WWTR1: variants seen among roughly 807,000 people sequenced by gnomAD.
WWTR1 encodes WW domain containing transcription regulator 1.
A neutral mutation model predicts 40.1 loss-of-function variants in WWTR1; 13 were observed. That is an observed-to-expected ratio of 0.32 (90% confidence interval 0.21 to 0.52). The LOEUF is 0.52. Among genes scored for constraint, WWTR1 ranks in the 20% least tolerant of loss-of-function variants. The pLI is 0.97. For synonymous variants in WWTR1, 230 were observed against 210.1 expected (o/e 1.09, Z -0.82); for missense variants, 436 against 523.1 (o/e 0.83, Z 1.63).
intron 2 of WWTR1, among the ~76,000 whole-genome samples, chr3:149,615,131 C>T (rs189327334): frequency 2.0e-5 from 3 of 152,314 alleles, no homozygotes; most frequent in Non-Finnish European, 2.9e-5. Context: ...CAGCATGTGG[C>T]ATGCTCCTTA....
chr3:149,633,141 C>A (rs1048724989), intron 2 of WWTR1, among the ~76,000 whole-genome samples: 1 of 152,184 alleles, frequency 6.6e-6, no homozygotes. Flanking sequence ...GTAATCCCAG[C>A]ACTTTGGGAG....
intron 2 of WWTR1, among the ~76,000 whole-genome samples, chr3:149,608,811 G>A (rs1457632521): frequency 2.0e-5 from 3 of 152,128 alleles, no homozygotes; most frequent in African/African-American, 7.2e-5. Context: ...TCAGCACTTT[G>A]GGAGGCCAAA....
At chr3:149,591,467 A>G (rs1738721523) in intron 2 of WWTR1, among the ~76,000 whole-genome samples, 2 of 152,172 alleles carry the variant, frequency 1.3e-5, no homozygotes, top group Admixed American at 1.3e-4. Context: ...ATATTCAAAT[A>G]GGGCTGTTGT....
intron 2 of WWTR1, among the ~76,000 whole-genome samples, chr3:149,652,067 T>A (rs1194684637): frequency 1.4e-5 from 2 of 145,430 alleles, no homozygotes; most frequent in African/African-American, 5.1e-5. Context: ...ATGATCTCCA[T>A]CTCCTGACCT....
At chr3:149,652,619 TCAAAAAAAAAAAAAAAAAAAAAAAAAAA>T (rs2108153452) in intron 2 of WWTR1, among the ~76,000 whole-genome samples, 1 of 23,864 alleles carries the variant, frequency 4.2e-5, no homozygotes, top group Non-Finnish European at 7.7e-5. Context: ...AGACCCCATC[TCAAAAAAAAAAAAAAAAAAAAAAAAAAA>T]AAAAAAAAAA....
rs1217598530 is a variant in WWTR1 at position 149,622,450 on chromosome 3, AAAGGAAGG to A, written c.431+34418_431+34425del. On this transcript the variant is annotated intron_variant, in intron 2 of 6. Coordinates refer to ENST00000360632, the MANE Select transcript of WWTR1 (RefSeq NM_015472.6). Reference sequence around the variant, plus strand: ...AAACCATATTTTCCCAGAAAGAAAGAAAGGAAGGAAGGAAGGAAGGAAGGAAGGAAGGA... The same window carrying A: ...AAACCATATTTTCCCAGAAAGAAAGAAAGGAAGGAAGGAAGGAAGGAAGGA... Among the ~76,000 whole-genome samples, 153 of 98,602 alleles carry A rather than the reference AAAGGAAGG, an allele frequency of 1.6e-3. 3 individuals are homozygous for A. Among genetic ancestry groups the A allele is most frequent in the Middle Eastern group, 4.5e-3 (1 of 220 alleles). 64.7% of individuals were successfully genotyped at this position (98,602 alleles called of 152,430 possible).
intron 2 of WWTR1, among the ~76,000 whole-genome samples, chr3:149,605,717 A>T (rs1205179844): frequency 6.6e-6 from 1 of 152,168 alleles, no homozygotes; most frequent in African/African-American, 2.4e-5. Context: ...TTCTCTAGTT[A>T]CTAAAATGTG....
chr3:149,565,057 G>A (rs1737245933), intron 3 of WWTR1, among the ~76,000 whole-genome samples: 1 of 151,902 alleles, frequency 6.6e-6, no homozygotes, highest in South Asian at 2.1e-4. Flanking sequence ...GTGTGGTGGT[G>A]GGCACCTATA....
chr3:149,635,114 G>A (rs890012098), intron 2 of WWTR1, among the ~76,000 whole-genome samples: 2 of 152,196 alleles, frequency 1.3e-5, no homozygotes, highest in Non-Finnish European at 2.9e-5. Context: ...ATGTGGTTGT[G>A]ACAATGTTCC....
In WWTR1 at chr3:149,574,629, CTTG is replaced by C. The variant is rs1161145998; in HGVS notation, c.432-1632_432-1630del. On this transcript the variant is annotated intron_variant, in intron 2 of 6. Transcript: ENST00000360632. Reference sequence around the variant, plus strand: ...TTCCTTGCATTGAAGTTGTATTTGTCTTGTTTTCTTTTCAGTCTGTCTCCTCAT... The same window carrying C: ...TTCCTTGCATTGAAGTTGTATTTGTCTTTTCTTTTCAGTCTGTCTCCTCAT... Among the ~76,000 whole-genome samples, 3 of 152,212 alleles carry C rather than the reference CTTG, an allele frequency of 2.0e-5. No individual in the cohort carries two copies. The East Asian group carries it at 5.8e-4, about 29-fold the overall frequency.
intron 4 of WWTR1, among the ~76,000 whole-genome samples, chr3:149,528,944 C>T (rs910871270): frequency 4.6e-5 from 7 of 152,146 alleles, no homozygotes; most frequent in Admixed American, 2.6e-4. Flanking sequence ...TAAAAGCTAG[C>T]ATTACATTGC....
chr3:149,670,646 AAAAAAAAAAAAAG>A (rs1714041490), intron 1 of WWTR1: 1 of 149,600 alleles, frequency 6.7e-6, no homozygotes, highest in Non-Finnish European at 1.5e-5. Flanking sequence ...TCCGTCTCAA[AAAAAAAAAAAAAG>A]AAAAGAAAAG....
intron 2 of WWTR1, among the ~76,000 whole-genome samples, chr3:149,651,828 T>G (rs763563435): frequency 1.0e-4 from 13 of 125,622 alleles, no homozygotes; most frequent in Non-Finnish European, 2.3e-4. Flanking sequence ...CTATGGATTT[T>G]CTTTTTTTTT....
intron 2 of WWTR1, among the ~76,000 whole-genome samples, chr3:149,629,856 A>T (rs986033491): frequency 6.6e-6 from 1 of 152,136 alleles, no homozygotes; most frequent in African/African-American, 2.4e-5. Flanking sequence ...CTTGAAGGGT[A>T]TTATTACTGA....
chr3:149,627,697 C>T (rs1740633259), intron 2 of WWTR1, among the ~76,000 whole-genome samples: 3 of 152,180 alleles, frequency 2.0e-5, no homozygotes, highest in Admixed American at 2.0e-4. Flanking sequence ...GGGTCTCCTT[C>T]CCTTCTCCTT....
At chr3:149,700,138 A>G (rs1715125864) in intron 1 of WWTR1, among the ~76,000 whole-genome samples, 1 of 152,190 alleles carries the variant, frequency 6.6e-6, no homozygotes, top group Non-Finnish European at 1.5e-5. Flanking sequence ...ACATGGTGAC[A>G]GTGGAAGCAG....
chr3:149,543,353 C>T lies in WWTR1; in HGVS notation c.569-816G>A, dbSNP rs555358931. ...ATCCCAGCACTTTGGAAGGCCAAGG[C>T]GAACGGATCATGAGGTCAGGAGATC... is the stretch of plus-strand genomic sequence containing the variant. On this transcript the variant is annotated intron_variant, in intron 3 of 6. Transcript: ENST00000360632. Among the ~76,000 whole-genome samples, 21 of 151,980 alleles carry T rather than the reference C, an allele frequency of 1.4e-4. No individual in the cohort carries two copies. The South Asian group carries it at 2.9e-3, about 21-fold the overall frequency.
chr3:149,537,954 C>G (rs1402242432), intron 4 of WWTR1, among the ~76,000 whole-genome samples: 1 of 151,822 alleles, frequency 6.6e-6, no homozygotes, highest in East Asian at 1.9e-4. Flanking sequence ...GAGTCTCACT[C>G]TGTTGCCCAG....
chr3:149,525,026 A>G (rs896250568), intron 6 of WWTR1, among the ~76,000 whole-genome samples: 67 of 152,200 alleles, frequency 4.4e-4, no homozygotes, highest in Admixed American at 3.9e-4. Context: ...AGTTTCTGCA[A>G]TTGGAAGTCT....
Sources: allele counts gnomAD v4.1 joint callset (sites outside exome capture counted in the v4.1 genomes callset), GRCh38; gene constraint gnomAD v4.1.1; transcripts MANE v1.5; gene names NCBI Gene and HGNC (gene_info 2026-07-23, HGNC 2026-07-21).